Variants in PRKN observed in about 807,000 individuals in gnomAD.
PRKN encodes the protein parkin RBR E3 ubiquitin protein ligase, also known as E3 ubiquitin-protein ligase parkin.
A neutral mutation model predicts 59.5 loss-of-function variants in PRKN; 56 were observed. The ratio of observed to expected loss-of-function variants is 0.94; its 90% CI spans 0.76 to 1.18. The LOEUF is 1.18. Ranked by LOEUF, PRKN falls within the 50% of genes most tolerant of loss-of-function variation. The pLI, the probability that PRKN is intolerant of heterozygous loss-of-function variation, is 0.00. For synonymous variants in PRKN, 250 were observed against 222.1 expected, an observed-to-expected ratio of 1.13 and a Z score of -1.12; for missense variants, 657 against 596.4, an observed-to-expected ratio of 1.10 and a Z score of -1.06.
chr6:161,772,149 T>C (rs1789718758), intron 7 of PRKN, among the ~76,000 whole-genome samples: 1 of 152,182 alleles, frequency 6.6e-6, no homozygotes, highest in Admixed American at 6.5e-5. Flanking sequence ...AGGAACGGAA[T>C]CTACAGCTAG....
intron 1 of PRKN, among the ~76,000 whole-genome samples, chr6:162,558,435 T>C (rs943505763): frequency 1.3e-5 from 2 of 151,402 alleles, no homozygotes; most frequent in Admixed American, 6.6e-5. Flanking sequence ...GTTCAAGCGA[T>C]TCTCCTGCCT....
intron 9 of PRKN, among the ~76,000 whole-genome samples, chr6:161,389,919 T>G (rs914151642): frequency 1.3e-5 from 2 of 152,306 alleles, no homozygotes; most frequent in African/African-American, 4.8e-5. Flanking sequence ...ACACCAGTAC[T>G]ACAAAGAATG....
chr6:162,336,855 A>C lies in PRKN; in HGVS notation c.172-74090T>G, dbSNP rs540344408. On this transcript the variant is annotated intron_variant, in intron 2 of 11. Transcript: ENST00000366898. ...AGGTACTGGTGAGTCCAAGAGACCC[A>C]AAAATGTGAGAAGCAGTGCTCTGGC... 1.2e-4 allele frequency among the ~76,000 whole-genome samples: 19 copies of C among 152,322 alleles called. 1 individual carries two copies. In the South Asian group the frequency reaches 3.9e-3, roughly 32 times the overall value.
intron 7 of PRKN, among the ~76,000 whole-genome samples, chr6:161,731,273 G>A (rs1424024426): frequency 6.6e-6 from 1 of 152,234 alleles, no homozygotes; most frequent in African/African-American, 2.4e-5. Context: ...AAGCACATGT[G>A]CGGCCAGAAC....
chr6:161,991,491 T>G (rs938850908), intron 5 of PRKN, among the ~76,000 whole-genome samples: 1 of 152,158 alleles, frequency 6.6e-6, no homozygotes, highest in Admixed American at 6.5e-5. Flanking sequence ...TAACTTCAAA[T>G]GTAAATGGAT....
At chr6:162,202,479 A>G (rs1439119827) in intron 3 of PRKN, among the ~76,000 whole-genome samples, 2 of 152,204 alleles carry the variant, frequency 1.3e-5, no homozygotes, top group East Asian at 3.8e-4. Context: ...ATATTTTATA[A>G]TTATTACTCT....
rs150115680 is a variant in PRKN at position 161,556,818 on chromosome 6, C to T, written c.934-7815G>A. On this transcript the variant is annotated intron_variant, in intron 8 of 11. Transcript: ENST00000366898. ...GGGTTTATATAGAGTCCACCCTCAA[C>T]TGAGCTCAAAAGTGGAAAAATCACT... Among the ~76,000 whole-genome samples the T allele has an allele frequency of 2.4e-3, 371 of 152,252 alleles. 3 individuals carry two copies. Among genetic ancestry groups the T allele is most frequent in the African/African-American group, 8.3e-3 (345 of 41,544 alleles).
At chr6:162,689,523 C>T (rs1274663587) in intron 1 of PRKN, among the ~76,000 whole-genome samples, 2 of 152,274 alleles carry the variant, frequency 1.3e-5, no homozygotes, top group South Asian at 2.1e-4. Context: ...CTACTGGGTA[C>T]GATTATGTTG....
chr6:161,769,404 T>C (rs1789568300), intron 7 of PRKN, among the ~76,000 whole-genome samples: 1 of 152,156 alleles, frequency 6.6e-6, no homozygotes, highest in Non-Finnish European at 1.5e-5. Context: ...GTCAATGAAT[T>C]GGCACCATCT....
chr6:161,940,907 C>T (rs944746185), intron 6 of PRKN, among the ~76,000 whole-genome samples: 3 of 152,166 alleles, frequency 2.0e-5, no homozygotes, highest in African/African-American at 7.2e-5. Flanking sequence ...TCTCCTAATG[C>T]ATTAGGTTCT....
chr6:162,316,681 A>C (rs1375399397), intron 2 of PRKN, among the ~76,000 whole-genome samples: 1 of 152,038 alleles, frequency 6.6e-6, no homozygotes, highest in African/African-American at 2.4e-5. Flanking sequence ...TGAAGTCATA[A>C]TTTCCCTTAA....
chr6:162,588,289 G>A (rs1781150264), intron 1 of PRKN, among the ~76,000 whole-genome samples: 1 of 151,396 alleles, frequency 6.6e-6, no homozygotes, highest in South Asian at 2.1e-4. Flanking sequence ...GGGATTAGAG[G>A]TGTGCACCGC....
intron 6 of PRKN, among the ~76,000 whole-genome samples, chr6:161,969,357 G>T (rs1780713223): frequency 1.3e-5 from 2 of 151,764 alleles, no homozygotes; most frequent in Non-Finnish European, 2.9e-5. Flanking sequence ...ACCCAAGGGG[G>T]TACCCGGAGA....
chr6:162,214,700 G>A (rs978150547), intron 3 of PRKN, among the ~76,000 whole-genome samples: 14 of 152,126 alleles, frequency 9.2e-5, no homozygotes, highest in South Asian at 8.3e-4. Flanking sequence ...GTGGCCTGGC[G>A]GAAATTTCTT....
chr6:161,991,184 C>T (rs751076404), intron 5 of PRKN, among the ~76,000 whole-genome samples: 5 of 152,048 alleles, frequency 3.3e-5, no homozygotes, highest in African/African-American at 4.8e-5. Context: ...TAAGTCTTTC[C>T]CAGACACAAA....
chr6:162,272,142 G>C (rs556364225), intron 2 of PRKN, among the ~76,000 whole-genome samples: 3 of 152,132 alleles, frequency 2.0e-5, no homozygotes, highest in African/African-American at 7.2e-5. Context: ...GGAATCACTC[G>C]GTTTGGCTAC....
intron 2 of PRKN, among the ~76,000 whole-genome samples, chr6:162,403,838 G>A (rs1174939118): frequency 1.3e-5 from 2 of 152,120 alleles, no homozygotes; most frequent in East Asian, 1.9e-4. Flanking sequence ...TCAGAAGAAC[G>A]TTTCAGGGAA....
intron 3 of PRKN, among the ~76,000 whole-genome samples, chr6:162,244,138 T>C (rs1023376510): frequency 6.6e-6 from 1 of 152,136 alleles, no homozygotes; most frequent in Non-Finnish European, 1.5e-5. Context: ...CATTCTGTTT[T>C]GTCTGGTTCA....
At chr6:162,052,613 T>C (rs542402615) in intron 5 of PRKN, among the ~76,000 whole-genome samples, 1 of 152,296 alleles carries the variant, frequency 6.6e-6, no homozygotes, top group Non-Finnish European at 1.5e-5. Context: ...CTACAACTCA[T>C]GACTGACTAC....
Sources: gnomAD v4.1 joint callset for allele counts (sites outside exome capture counted in the v4.1 genomes callset) on GRCh38, gnomAD v4.1.1 for gene constraint, MANE v1.5 for transcripts, NCBI Gene and HGNC (gene_info 2026-07-23, HGNC 2026-07-21) for gene names.